The following PHKA2 variants were observed in gnomAD, a reference collection of about 807,000 sequenced individuals.
The protein encoded by PHKA2 is phosphorylase kinase regulatory subunit alpha 2, also known as phosphorylase b kinase regulatory subunit alpha, liver isoform.
Under a neutral mutation model 102.0 loss-of-function variants are expected in PHKA2, and 31 were observed. The ratio of observed to expected loss-of-function variants is 0.30; its 90% CI spans 0.23 to 0.41. The LOEUF is 0.41. Ranked by LOEUF, PHKA2 falls within the 10% of genes least tolerant of loss-of-function variation. PHKA2 has a pLI of 1.00. For missense variants in PHKA2, 858 were observed against 1,023.1 expected (o/e 0.84, Z 2.20); for synonymous variants, 455 against 416.2 (o/e 1.09, Z -1.13).
intron 13 of PHKA2, among the ~76,000 whole-genome samples, chrX:18,928,404 C>T (rs1187311459): frequency 8.9e-6 from 1 of 112,464 alleles, no homozygotes; most frequent in Non-Finnish European, 1.9e-5. Flanking sequence ...TGTTCAATCA[C>T]TGTTTTCAAC....
intron 4 of PHKA2, 72 bp downstream of exon 4, chrX:18,951,032 T>A (rs1457011921): frequency 9.5e-7 from 1 of 1,056,946 alleles, no homozygotes; most frequent in Non-Finnish European, 1.3e-6. Context: ...CACTGGCCGC[T>A]ACCTGTCCTC....
chrX:18,897,677 G>T (rs1218575610), intron 29 of PHKA2: 18 of 262,405 alleles, frequency 6.9e-5, no homozygotes, highest in Non-Finnish European at 1.2e-4. Flanking sequence ...GCGGTGCCAA[G>T]GACACACCCG....
chrX:18,927,589 G>C, intron 13 of PHKA2, among the ~76,000 whole-genome samples: 1 of 112,065 alleles, frequency 8.9e-6, no homozygotes. Context: ...TGAGAGTTGA[G>C]TGTCACCTCT....
At chrX:18,925,505 C>T (rs1482952729) in intron 15 of PHKA2, among the ~76,000 whole-genome samples, 163 bp downstream of exon 15, 2 of 112,181 alleles carry the variant, frequency 1.8e-5, no homozygotes, top group Non-Finnish European at 3.8e-5. Flanking sequence ...AAGCATTTAC[C>T]GAGCACCTAC....
chrX:18,970,763 C>T (rs1296659094), intron 1 of PHKA2, among the ~76,000 whole-genome samples: 1 of 112,224 alleles, frequency 8.9e-6, no homozygotes, highest in African/African-American at 3.2e-5. Context: ...CTGTAGTTTA[C>T]ATCTTGCAGC....
Position 18,983,862 on chromosome X carries a change from C to G in PHKA2, c.71G>C (p.Cys24Ser). ...YARLVQQTIL[C>S]YQNPVTGLLS... is the part of the protein sequence containing the mutation. ...GGGGCGGTCCCTCCTTACCTGGTAACACAGGATGGTTTGCTGCACCAGCCG... is the reference window on the plus strand; with the variant it reads ...GGGGCGGTCCCTCCTTACCTGGTAAGACAGGATGGTTTGCTGCACCAGCCG... Residue 24 changes from cysteine to serine, a missense_variant, in exon 1 of 33, where the codon TGT becomes TCT. Cys to Ser is a moderately radical substitution (Grantham distance 112). Around this residue, in one of 2 missense-constraint regions of PHKA2, gnomAD observed 187 missense variants for 277.9 expected, o/e 0.67. Coordinates refer to ENST00000379942, the MANE Select transcript of PHKA2 (RefSeq NM_000292.3). 8.3e-7 allele frequency: 1 copy of G among 1,210,126 alleles called. No individual in the cohort carries two copies. Among genetic ancestry groups the G allele is most frequent in the Non-Finnish European group, 1.1e-6 (1 of 893,610 alleles).
At chrX:18,919,499 G>A (rs112586092) in intron 18 of PHKA2, among the ~76,000 whole-genome samples, 1,538 of 110,234 alleles carry the variant, frequency 0.014, 25 homozygotes, top group African/African-American at 0.049. Flanking sequence ...GAGCCCAGGA[G>A]TTTAAGACCA....
intron 22 of PHKA2, among the ~76,000 whole-genome samples, chrX:18,907,344 G>A (rs1233719694): frequency 3.6e-5 from 4 of 112,555 alleles, no homozygotes; most frequent in African/African-American, 9.7e-5. Flanking sequence ...CGAAGGGCCC[G>A]TCAGTGGGCG....
At chrX:18,905,230 G>A (rs1474571860) in intron 26 of PHKA2, among the ~76,000 whole-genome samples, 1 of 112,504 alleles carries the variant, frequency 8.9e-6, no homozygotes, top group East Asian at 2.8e-4. Flanking sequence ...CTGGAGCGCA[G>A]TGGCGCGATC....
chrX:18,904,630 T>C (rs918977982), intron 26 of PHKA2, among the ~76,000 whole-genome samples: 18 of 112,210 alleles, frequency 1.6e-4, no homozygotes, highest in African/African-American at 5.2e-4. Context: ...GGAAATTACT[T>C]TTGCAAAAGC....
Position 18,951,122 on chromosome X carries a change from C to A in PHKA2, c.436G>T (p.Ala146Ser), listed in dbSNP as rs2048677562. 5 of 1,211,781 alleles carry A rather than the reference C, an allele frequency of 4.1e-6. No homozygotes were observed. Among genetic ancestry groups the A allele is most frequent in the Non-Finnish European group, 5.6e-6 (5 of 895,451 alleles). ...AGCTCACCTGAGGCGGTCATCTGGG[C>A]CAGGAACAGGAGGAAGAGAGAGGTG... ...DATSLFLLFL[A>S]QMTASGLRII... is the part of the protein sequence containing the mutation. Residue 146 changes from alanine to serine, a missense_variant, in exon 4 of 33, where the codon GCC (alanine) becomes TCC (serine). Coordinates refer to ENST00000379942, the MANE Select transcript of PHKA2 (RefSeq NM_000292.3).
intron 19 of PHKA2, among the ~76,000 whole-genome samples, chrX:18,917,517 C>G (rs2048039460): frequency 9.0e-6 from 1 of 110,777 alleles, no homozygotes; most frequent in Non-Finnish European, 1.9e-5. Flanking sequence ...CCTCAGCTTC[C>G]AAAAGTGCTG....
chrX:18,934,258 C>T (rs755505465), intron 11 of PHKA2, among the ~76,000 whole-genome samples: 11 of 112,364 alleles, frequency 9.8e-5, no homozygotes, highest in Non-Finnish European at 1.5e-4. Flanking sequence ...AGGCTGAGGA[C>T]ACTTAGAAGG....
chrX:18,943,214 G>T (rs1302723460), intron 7 of PHKA2, among the ~76,000 whole-genome samples: 1 of 111,697 alleles, frequency 9.0e-6, no homozygotes, highest in Non-Finnish European at 1.9e-5. Context: ...ATCTGTATTA[G>T]ATCACTCCTT....
chrX:18,907,140 GAT>G lies in PHKA2; in HGVS notation c.2518-45_2518-44del, dbSNP rs111786099. On this transcript the variant is annotated intron_variant, in intron 22 of 32. Transcript: ENST00000379942. ...AGGGTGAGAGGCAGAGCGCGAGAGA[GAT>G]ACTGGCAAAGACGACAGACAGGCAG... 13,464 of 978,154 alleles carry G rather than the reference GAT, an allele frequency of 0.014. 126 individuals carry two copies. Among genetic ancestry groups the G allele is most frequent in the African/African-American group, 0.063 (3,282 of 52,407 alleles). The allele number at this position is 978,154 out of a possible 1,213,427, so 80.6% of individuals were successfully genotyped here.
At chrX:18,983,777 G>A in intron 1 of PHKA2, 78 bp downstream of exon 1, 2 of 873,651 alleles carry the variant, frequency 2.3e-6, no homozygotes, top group South Asian at 2.0e-5. Flanking sequence ...CAGGTCACAA[G>A]AGGGCCAGAC....
intron 30 of PHKA2, chrX:18,895,550 G>C (rs1340089554): frequency 3.8e-6 from 1 of 260,020 alleles, no homozygotes; most frequent in Non-Finnish European, 6.9e-6. Flanking sequence ...GGCTCCTGCT[G>C]GGGAAGGGAT....
Position 18,894,799 on chromosome X carries a change from T to C in PHKA2, c.3336+339A>G, listed in dbSNP as rs573539400. ...ACCTAGGGACGATTACTGTTTTTAG[T>C]TGGAGAAAAGGGCCGAGAAGGCTGC... On this transcript the variant is annotated intron_variant, in intron 31 of 32. Transcript: ENST00000379942. 2.3e-5 allele frequency: 9 copies of C among 383,644 alleles called. 1 individual carries two copies. The highest frequency in any genetic ancestry group is 5.0e-5 in the African/African-American group (2 of 39,936). 31.6% of individuals were successfully genotyped at this position (383,644 alleles called of 1,213,427 possible). A position where few individuals can be genotyped will look rare whatever the true frequency, so the allele number is the denominator to read the frequency against.
intron 4 of PHKA2, among the ~76,000 whole-genome samples, chrX:18,950,559 C>T (rs777520030): frequency 2.7e-5 from 3 of 112,777 alleles, no homozygotes; most frequent in African/African-American, 6.4e-5. Context: ...AGGCAGGGTC[C>T]CTGCACTCCC....
Sources: gnomAD v4.1 joint callset for allele counts (sites outside exome capture counted in the v4.1 genomes callset) on GRCh38, gnomAD v4.1.1 for gene constraint, gnomAD v4.1.1 regional missense constraint, MANE v1.5 for transcripts, NCBI Gene and HGNC (gene_info 2026-07-23, HGNC 2026-07-21) for gene names.